Variants in GYS2 observed in about 807,000 individuals in gnomAD.
GYS2 encodes the protein glycogen [starch] synthase, liver.
A neutral mutation model predicts 85.6 loss-of-function variants in GYS2; 80 were observed. The observed-to-expected ratio is 0.93, with a 90% CI of 0.78 to 1.13. GYS2 has a LOEUF of 1.13. Among genes scored for constraint, GYS2 ranks in the 50% most tolerant of loss-of-function variants. The pLI is 0.00. For synonymous variants in GYS2, 328 were observed against 300.7 expected, an observed-to-expected ratio of 1.09 and a Z score of -0.94; for missense variants, 881 against 854.9, an observed-to-expected ratio of 1.03 and a Z score of -0.38.
At chr12:21,566,944 G>A (rs1056501558) in intron 5 of GYS2, among the ~76,000 whole-genome samples, 4 of 152,140 alleles carry the variant, frequency 2.6e-5, no homozygotes, top group Non-Finnish European at 5.9e-5. Flanking sequence ...CTTGGAGAAT[G>A]TCCACTTTGA....
At chr12:21,565,408 T>G (rs931434953) in intron 5 of GYS2, among the ~76,000 whole-genome samples, 1 of 119,316 alleles carries the variant, frequency 8.4e-6, no homozygotes, top group Non-Finnish European at 1.8e-5. Flanking sequence ...TATATATATA[T>G]ATATATATAT....
rs1449888244 is a variant in GYS2, at chr12:21,536,140, G to T, written c.*814C>A. ...CAATATTAATGTGTTTATTTACTTG[G>T]ATTTAACAACTTATCATCTATGAAG... On this transcript the variant is annotated 3_prime_UTR_variant, in exon 16 of 16. Coordinates refer to ENST00000261195, the MANE Select transcript of GYS2 (RefSeq NM_021957.4). The T allele has an allele frequency of 6.6e-6, 1 of 152,098 alleles. No individual in the cohort carries two copies. The highest frequency in any genetic ancestry group is 1.5e-5 in the Non-Finnish European group (1 of 68,008). 9.4% of individuals were successfully genotyped at this position (152,098 alleles called of 1,614,324 possible).
At chr12:21,587,139 T>A (rs1012045364) in intron 1 of GYS2, among the ~76,000 whole-genome samples, 1 of 152,122 alleles carries the variant, frequency 6.6e-6, no homozygotes, top group Non-Finnish European at 1.5e-5. Context: ...AAACGATGAG[T>A]AAGCATAGAC....
At position 21,540,502 on chromosome 12, in the gene GYS2, C is replaced by T; in HGVS notation, c.1717G>A (p.Gly573Arg). 6.2e-7 allele frequency: 1 copy of T among 1,613,864 alleles called. No homozygotes were observed. Residue 573 changes from glycine to arginine, a missense_variant, in exon 14 of 16, where the codon GGA becomes AGA. Physicochemically the swap from Gly to Arg is moderately radical, Grantham distance 125 (BLOSUM62 -2). Transcript: ENST00000261195. Reference protein sequence around the residue: ...SCNQLTKFLYGFCKQSRRQRI... With the variant: ...SCNQLTKFLYRFCKQSRRQRI... ...TGGCGGCGTGACTGTTTGCAAAATC[C>T]ATAGAGAAACTTAGTCAGCTGATTG...
At chr12:21,546,608 C>T in intron 11 of GYS2, 138 bp from the exon 12 acceptor site, 1 of 613,460 alleles carries the variant, frequency 1.6e-6, no homozygotes, top group South Asian at 2.0e-5. Context: ...AGAGATAAGA[C>T]AAAAGAAAAA....
chr12:21,535,842 G>T (rs919590940), downstream of GYS2, among the ~76,000 whole-genome samples: 5 of 152,158 alleles, frequency 3.3e-5, no homozygotes, highest in African/African-American at 1.2e-4. Context: ...AGCAATCCAA[G>T]AGTGTGATTT....
At chr12:21,595,723 C>T (rs989447000) in intron 1 of GYS2, among the ~76,000 whole-genome samples, 4 of 152,066 alleles carry the variant, frequency 2.6e-5, no homozygotes, top group African/African-American at 7.2e-5. Flanking sequence ...TGGTAAAAGG[C>T]CTTGTCCAAC....
At chr12:21,579,503 G>A (rs1234535831) in intron 2 of GYS2, among the ~76,000 whole-genome samples, 8 of 151,846 alleles carry the variant, frequency 5.3e-5, no homozygotes. Flanking sequence ...ACAGGTGCCT[G>A]CCTGCAAAAC....
chr12:21,537,290 G>A, intron 15 of GYS2, 115 bp from the exon 16 acceptor site: 1 of 761,324 alleles, frequency 1.3e-6, no homozygotes, highest in South Asian at 1.5e-5. Flanking sequence ...TTTGTAGTCT[G>A]GGTGCTATTA....
In GYS2 at chr12:21,580,883, C is replaced by T. The variant is rs137865771; in HGVS notation, c.122-360G>A. Among the ~76,000 whole-genome samples, 175 of 152,246 alleles carry T rather than the reference C, an allele frequency of 1.1e-3. 2 individuals are homozygous for T. The East Asian group carries it at 0.012, about 11-fold the overall frequency. ...GTAGTGTCAAAGTTAGGACAAATAC[C>T]CATTGTCATCATACATGCCCTCAGC... On this transcript the variant is annotated intron_variant, in intron 1 of 15. Transcript: ENST00000261195.
chr12:21,556,628 C>G (rs1231334343), intron 11 of GYS2, among the ~76,000 whole-genome samples: 1 of 152,230 alleles, frequency 6.6e-6, no homozygotes, highest in African/African-American at 2.4e-5. Flanking sequence ...ACATGTAACT[C>G]AAACTCAATT....
At chr12:21,546,248 A>G (rs1944037746) in intron 12 of GYS2, 96 bp downstream of exon 12, 1 of 908,188 alleles carries the variant, frequency 1.1e-6, no homozygotes, top group African/African-American at 1.7e-5. Context: ...AAATCTTATT[A>G]GAAATTTAAT....
intron 1 of GYS2, among the ~76,000 whole-genome samples, chr12:21,580,919 A>T (rs568448432): frequency 2.6e-5 from 4 of 152,318 alleles, no homozygotes; most frequent in African/African-American, 9.6e-5. Context: ...AGCAGAAATC[A>T]CTTTCACCTC....
At chr12:21,565,892 T>G (rs1383840835) in intron 5 of GYS2, among the ~76,000 whole-genome samples, 2 of 151,906 alleles carry the variant, frequency 1.3e-5, no homozygotes, top group African/African-American at 2.4e-5. Context: ...TTAGCTAGAG[T>G]TCATAGTAAG....
At chr12:21,575,688 CTAT>C (rs1195076301) in intron 3 of GYS2, among the ~76,000 whole-genome samples, 175 bp downstream of exon 3, 1 of 152,070 alleles carries the variant, frequency 6.6e-6, no homozygotes, top group African/African-American at 2.4e-5. Flanking sequence ...CATTATTACG[CTAT>C]TCCATTTAAT....
At chr12:21,542,638 A>G in intron 12 of GYS2, 47 bp from the exon 13 acceptor site, 1 of 1,233,128 alleles carries the variant, frequency 8.1e-7, no homozygotes, top group Non-Finnish European at 1.2e-6. Context: ...CAGCGCCTAT[A>G]TCCTTGTATG....
At chr12:21,553,787 C>T (rs926118147) in intron 11 of GYS2, among the ~76,000 whole-genome samples, 5 of 70,712 alleles carry the variant, frequency 7.1e-5, no homozygotes, top group African/African-American at 2.9e-4. Context: ...CCAATTTATA[C>T]ACACATATAA....
At chr12:21,584,083 C>A (rs1007878106) in intron 1 of GYS2, among the ~76,000 whole-genome samples, 10 of 152,188 alleles carry the variant, frequency 6.6e-5, no homozygotes, top group African/African-American at 1.9e-4. Context: ...ACAGCCGCAG[C>A]ACTACAGCCC....
chr12:21,567,712 A>G (rs1211562674), intron 5 of GYS2, among the ~76,000 whole-genome samples: 2 of 152,114 alleles, frequency 1.3e-5, no homozygotes, highest in East Asian at 1.9e-4. Context: ...ATAACAAGGA[A>G]TTTATTAATA....
Sources: gnomAD v4.1 joint callset for allele counts (sites outside exome capture counted in the v4.1 genomes callset) on GRCh38, gnomAD v4.1.1 for gene constraint, MANE v1.5 for transcripts, NCBI Gene and HGNC (gene_info 2026-07-23, HGNC 2026-07-21) for gene names.